The following SLC25A21 variants were observed in gnomAD, a reference collection of about 807,000 sequenced individuals.
SLC25A21 encodes solute carrier family 25 member 21.
A neutral mutation model predicts 43.8 loss-of-function variants in SLC25A21; 47 were observed. The ratio of observed to expected loss-of-function variants is 1.07; its 90% CI spans 0.85 to 1.37. The LOEUF (loss-of-function observed/expected upper bound fraction) is 1.37, where lower values mean the gene tolerates loss of function less well. Ranked by LOEUF, SLC25A21 falls within the 40% of genes most tolerant of loss-of-function variation. The pLI, the probability that SLC25A21 is intolerant of heterozygous loss-of-function variation, is 0.00. For missense variants in SLC25A21, 352 were observed against 350.2 expected (o/e 1.00, Z -0.04); for synonymous variants, 131 against 121.3 (o/e 1.08, Z -0.52).
At chr14:36,989,228 T>C (rs1300918595) in intron 1 of SLC25A21, among the ~76,000 whole-genome samples, 1 of 152,142 alleles carries the variant, frequency 6.6e-6, no homozygotes, top group African/African-American at 2.4e-5. Flanking sequence ...GTACATTCAG[T>C]CCTCTTTTCT....
At position 37,172,303 on chromosome 14, in the gene SLC25A21, C is replaced by T. The variant is rs764383564; in HGVS notation, c.48G>A (p.Gln16=). 1 of 1,601,244 alleles carries T rather than the reference C, an allele frequency of 6.2e-7. No homozygotes were observed. Among genetic ancestry groups the T allele is most frequent in the South Asian group, 1.1e-5 (1 of 88,542 alleles). Residue 16 remains glutamine (Q), a synonymous_variant, in exon 1 of 10, where the codon CAG becomes CAA. Coordinates refer to ENST00000331299, the MANE Select transcript of SLC25A21 (RefSeq NM_030631.4). ...EVSLVREASR[Q]IVAGGSAGLV... is the part of the protein sequence containing the mutation. ...TACCTGCAGAACCACCGGCCACGATCTGCCGAGAAGCCTCGCGCACTAAGC... is the reference window on the plus strand; with the variant it reads ...TACCTGCAGAACCACCGGCCACGATTTGCCGAGAAGCCTCGCGCACTAAGC...
chr14:37,067,706 G>A (rs10142021), intron 1 of SLC25A21, among the ~76,000 whole-genome samples: 4,661 of 152,314 alleles, frequency 0.031, 265 homozygotes, highest in East Asian at 0.26. Context: ...CAGCTTGGCT[G>A]TAGATTGGTG....
intron 2 of SLC25A21, among the ~76,000 whole-genome samples, chr14:36,874,459 C>T (rs1429848): frequency 0.44 from 66,929 of 152,018 alleles, 16,091 homozygotes; most frequent in Non-Finnish European, 0.52. Context: ...CTGGCTTGCA[C>T]TGACCATATT....
intron 2 of SLC25A21, among the ~76,000 whole-genome samples, chr14:36,847,021 AC>A (rs1180071272): frequency 6.6e-6 from 1 of 152,116 alleles, no homozygotes; most frequent in Non-Finnish European, 1.5e-5. Context: ...TCTTTATTCT[AC>A]TCAATGTGAA....
chr14:36,697,792 T>C (rs1301278666), intron 7 of SLC25A21, among the ~76,000 whole-genome samples: 1 of 147,402 alleles, frequency 6.8e-6, no homozygotes, highest in Non-Finnish European at 1.5e-5. Context: ...CCCTTTATTT[T>C]GAGCCTATGT....
intron 4 of SLC25A21, among the ~76,000 whole-genome samples, chr14:36,730,695 C>T (rs1476835116): frequency 1.3e-5 from 2 of 152,174 alleles, no homozygotes; most frequent in African/African-American, 4.8e-5. Context: ...CTTTCAAATG[C>T]ACTATGAATG....
At chr14:36,958,678 T>TGCGTGC (rs147541950) in intron 1 of SLC25A21, among the ~76,000 whole-genome samples, 2 of 107,660 alleles carry the variant, frequency 1.9e-5, no homozygotes, top group Admixed American at 9.6e-5. Context: ...TAAGCACACG[T>TGCGTGC]GCACACACAC....
chr14:36,768,933 C>A (rs1232804548), intron 3 of SLC25A21, among the ~76,000 whole-genome samples: 316 of 125,704 alleles, frequency 2.5e-3, no homozygotes, highest in East Asian at 3.7e-3. Flanking sequence ...CTGTCTCTAC[C>A]AAAAAAAAAA....
intron 1 of SLC25A21, among the ~76,000 whole-genome samples, chr14:36,959,555 G>T (rs1959435384): frequency 6.6e-6 from 1 of 152,096 alleles, no homozygotes; most frequent in South Asian, 2.1e-4. Flanking sequence ...CAAAGCCAAA[G>T]AAATGGGGAA....
At chr14:36,807,892 T>C (rs911639210) in intron 3 of SLC25A21, among the ~76,000 whole-genome samples, 2 of 152,104 alleles carry the variant, frequency 1.3e-5, no homozygotes, top group Non-Finnish European at 2.9e-5. Flanking sequence ...CTTAAATGAG[T>C]GGCACATTAT....
intron 3 of SLC25A21, among the ~76,000 whole-genome samples, chr14:36,757,030 G>C (rs1203100250): frequency 6.8e-6 from 1 of 147,628 alleles, no homozygotes; most frequent in Non-Finnish European, 1.5e-5. Context: ...GAGGTGGGCA[G>C]ATCACTTGAG....
chr14:36,834,139 A>T (rs953488123), intron 2 of SLC25A21, among the ~76,000 whole-genome samples: 1 of 152,228 alleles, frequency 6.6e-6, no homozygotes, highest in African/African-American at 2.4e-5. Context: ...ACCTAAGAAT[A>T]TAGTAAAAAT....
chr14:37,097,757 ACCTGTAATC>A (rs1962728506), intron 1 of SLC25A21: 1 of 151,986 alleles, frequency 6.6e-6, no homozygotes, highest in Non-Finnish European at 1.5e-5. Context: ...GGTGGCAGAC[ACCTGTAATC>A]CCAGCTACTC....
chr14:36,728,470 G>T (rs1258178973), intron 5 of SLC25A21, among the ~76,000 whole-genome samples: 1 of 152,066 alleles, frequency 6.6e-6, no homozygotes, highest in East Asian at 1.9e-4. Context: ...AGATGCCAAA[G>T]AATTAAAAGG....
At chr14:36,897,054 T>A (rs1352759860) in intron 1 of SLC25A21, among the ~76,000 whole-genome samples, 1 of 152,178 alleles carries the variant, frequency 6.6e-6, no homozygotes, top group African/African-American at 2.4e-5. Flanking sequence ...TTTGTGTTGT[T>A]CTCTGTATTT....
chr14:36,957,649 T>C (rs1448773651), intron 1 of SLC25A21, among the ~76,000 whole-genome samples: 1 of 152,202 alleles, frequency 6.6e-6, no homozygotes. Flanking sequence ...ATCAATCACA[T>C]TGCCTAAACA....
rs567077061 is a variant in SLC25A21, at chr14:37,168,647, GA to G, written c.70+3633del. Among the ~76,000 whole-genome samples the G allele has an allele frequency of 1.8e-4, 27 of 148,804 alleles. No homozygotes were observed. In the East Asian group the frequency reaches 4.3e-3, roughly 24 times the overall value. On this transcript the variant is annotated intron_variant, in intron 1 of 9. Transcript: ENST00000331299. ...TTCCCCAGGATTTTGGACTAGAACCGAAAAAAAAAGCAAGTTAGTCTCTCAC... is the reference window on the plus strand; with the variant it reads ...TTCCCCAGGATTTTGGACTAGAACCGAAAAAAAAGCAAGTTAGTCTCTCAC...
At chr14:36,882,018 T>C (rs1009565216) in intron 1 of SLC25A21, among the ~76,000 whole-genome samples, 2 of 152,244 alleles carry the variant, frequency 1.3e-5, no homozygotes, top group African/African-American at 4.8e-5. Flanking sequence ...ACTAAGTCAG[T>C]TGACTGCTCC....
chr14:36,794,631 G>A (rs1201150412), intron 3 of SLC25A21, among the ~76,000 whole-genome samples: 2 of 151,958 alleles, frequency 1.3e-5, no homozygotes, highest in African/African-American at 4.8e-5. Context: ...AGCCAGGTGT[G>A]GGTGGCGCAT....
Sources: gnomAD v4.1 joint callset for allele counts (sites outside exome capture counted in the v4.1 genomes callset) on GRCh38, gnomAD v4.1.1 for gene constraint, MANE v1.5 for transcripts, NCBI Gene and HGNC (gene_info 2026-07-23, HGNC 2026-07-21) for gene names.